Variants in PKHD1L1 observed in about 807,000 individuals in gnomAD.
PKHD1L1 encodes PKHD1 like 1, also known as fibrocystin-L.
Under a neutral mutation model 462.9 loss-of-function variants are expected in PKHD1L1, and 434 were observed. That is an observed-to-expected ratio of 0.94 (90% CI 0.87 to 1.02). The LOEUF (loss-of-function observed/expected upper bound fraction) is 1.02, where lower values mean the gene tolerates loss of function less well. Among genes scored for constraint, PKHD1L1 ranks in the 50% least tolerant of loss-of-function variants. PKHD1L1 has a pLI of 0.00. For synonymous variants in PKHD1L1, 1,781 were observed against 1,750.0 expected (o/e 1.02, Z -0.44); for missense variants, 5,202 against 5,096.1 (o/e 1.02, Z -0.63).
chr8:109,373,491 T>C (rs1438533508), intron 2 of PKHD1L1, among the ~76,000 whole-genome samples: 5 of 151,234 alleles, frequency 3.3e-5, no homozygotes, highest in Non-Finnish European at 7.4e-5. Context: ...GGGTTTTTTG[T>C]GTCTCTATTT....
chr8:109,514,519 G>C (rs975897664), intron 71 of PKHD1L1, among the ~76,000 whole-genome samples: 1 of 152,070 alleles, frequency 6.6e-6, no homozygotes, highest in Admixed American at 6.6e-5. Flanking sequence ...AATGAGAATG[G>C]TGACTACAAA....
chr8:109,431,076 T>A (rs1430084313), intron 27 of PKHD1L1, among the ~76,000 whole-genome samples: 2 of 151,738 alleles, frequency 1.3e-5, no homozygotes, highest in African/African-American at 4.8e-5. Flanking sequence ...CAAGCGATTC[T>A]CCCACCTCAG....
At chr8:109,454,143 A>G (rs768056632) in intron 43 of PKHD1L1, 24 bp from the exon 44 acceptor site, 7 of 1,523,042 alleles carry the variant, frequency 4.6e-6, no homozygotes, top group African/African-American at 1.4e-5. Context: ...CTTGTGATGT[A>G]TTTCAAAATT....
At chr8:109,444,131 A>T (rs1056209887) in intron 37 of PKHD1L1, among the ~76,000 whole-genome samples, 2 of 151,672 alleles carry the variant, frequency 1.3e-5, no homozygotes, top group African/African-American at 4.8e-5. Context: ...CCCCAAAAAA[A>T]ACCCTAAAGC....
At chr8:109,386,344 A>G (rs906663816) in intron 6 of PKHD1L1, among the ~76,000 whole-genome samples, 2 of 152,170 alleles carry the variant, frequency 1.3e-5, no homozygotes, top group African/African-American at 4.8e-5. Context: ...GTGTAGACTC[A>G]TGATTATGGC....
chr8:109,528,994 A>G (rs1004908328), intron 77 of PKHD1L1, among the ~76,000 whole-genome samples: 1 of 152,210 alleles, frequency 6.6e-6, no homozygotes, highest in African/African-American at 2.4e-5. Context: ...AAAATCACAT[A>G]AGAGATACTG....
At chr8:109,437,395 A>G (rs1272610651) in intron 30 of PKHD1L1, among the ~76,000 whole-genome samples, 5 of 152,044 alleles carry the variant, frequency 3.3e-5, no homozygotes, top group Admixed American at 6.5e-5. Flanking sequence ...CACAACGTGC[A>G]GGTTAGTTAC....
Position 109,434,018 on chromosome 8 carries a change from A to G in PKHD1L1, c.3340+802A>G, listed in dbSNP as rs557230593. 4.0e-4 allele frequency among the ~76,000 whole-genome samples: 61 copies of G among 152,270 alleles called. No homozygotes were observed. The South Asian group carries it at 0.012, about 31-fold the overall frequency. Reference sequence around the variant, plus strand: ...TCAGTAAACTAACACAAGAACGGAAAACCAAACACCAGATGTTCTCACTCA... The same window carrying G: ...TCAGTAAACTAACACAAGAACGGAAGACCAAACACCAGATGTTCTCACTCA... On this transcript the variant is annotated intron_variant, in intron 28 of 77. Transcript: ENST00000378402.
In PKHD1L1 at chr8:109,412,285, GA is replaced by G. The variant is rs1217027713; in HGVS notation, c.2108del (p.Lys703ArgfsTer14). The G allele has an allele frequency of 7.4e-6, 12 of 1,613,664 alleles. No individual in the cohort carries two copies. The highest frequency in any genetic ancestry group is 9.3e-6 in the Non-Finnish European group (11 of 1,179,724). ...GGTAGGAACATATTAACAGAGGGCA[GA>G]AGACAGCTGAAACCGATGCTTACTG... is the stretch of plus-strand genomic sequence containing the variant. ...FNLEHINRGQ[K>X]TAETDAYCGR... On this transcript the variant is annotated frameshift_variant, in exon 20 of 78. Transcript: ENST00000378402. LOFTEE classifies it high-confidence loss of function.
intron 28 of PKHD1L1, 95 bp downstream of exon 28, chr8:109,433,311 T>A (rs992668587): frequency 1.9e-6 from 2 of 1,060,866 alleles, no homozygotes; most frequent in Non-Finnish European, 2.8e-6. Context: ...TCGTGTACAA[T>A]TATCATGATC....
chr8:109,378,756 T>C (rs1468700851), intron 2 of PKHD1L1, among the ~76,000 whole-genome samples: 1 of 152,198 alleles, frequency 6.6e-6, no homozygotes, highest in Admixed American at 6.5e-5. Context: ...GTAGTAAGAA[T>C]GTACATGGGC....
chr8:109,527,134 A>C, intron 77 of PKHD1L1, 114 bp downstream of exon 77: 1 of 891,830 alleles, frequency 1.1e-6, no homozygotes, highest in African/African-American at 1.7e-5. Context: ...CACAAAGAGA[A>C]AGTAACAGCC....
At chr8:109,441,440 TTTTA>T (rs1187705831) in intron 34 of PKHD1L1, 61 bp downstream of exon 34, 6 of 936,518 alleles carry the variant, frequency 6.4e-6, no homozygotes, top group East Asian at 2.8e-5. Context: ...TTAATTTGAT[TTTTA>T]TTTATTTTAT....
intron 23 of PKHD1L1, 60 bp downstream of exon 23, chr8:109,420,750 A>G (rs1814421573): frequency 1.6e-6 from 2 of 1,255,438 alleles, no homozygotes; most frequent in African/African-American, 3.1e-5. Context: ...ATTTTTTTAA[A>G]TAACCAACAT....
At chr8:109,498,999 C>T in intron 67 of PKHD1L1, 1 of 491,060 alleles carries the variant, frequency 2.0e-6, no homozygotes. Flanking sequence ...CCTTCTAAAA[C>T]AACAACAAAA....
intron 2 of PKHD1L1, among the ~76,000 whole-genome samples, chr8:109,368,161 T>G (rs1811323166): frequency 6.6e-6 from 1 of 152,238 alleles, no homozygotes; most frequent in Non-Finnish European, 1.5e-5. Context: ...ATCATGTTGG[T>G]TTTTATTTTA....
chr8:109,494,281 C>T (rs911898094), intron 63 of PKHD1L1, among the ~76,000 whole-genome samples: 10 of 151,640 alleles, frequency 6.6e-5, no homozygotes, highest in African/African-American at 2.4e-4. Flanking sequence ...AACATTTACA[C>T]CTTGCTGGTT....
At chr8:109,433,513 C>T (rs935624481) in intron 28 of PKHD1L1, among the ~76,000 whole-genome samples, 1 of 152,062 alleles carries the variant, frequency 6.6e-6, no homozygotes, top group African/African-American at 2.4e-5. Context: ...ATCGGTGTGT[C>T]TCTGGGACAC....
chr8:109,370,443 T>C lies in PKHD1L1; in HGVS notation c.163+5807T>C, dbSNP rs572169809. Among the ~76,000 whole-genome samples the C allele has an allele frequency of 6.2e-4, 95 of 152,096 alleles. 1 individual carries two copies. The highest frequency in any genetic ancestry group is 3.4e-3 in the Middle Eastern group (1 of 294). The stretch of plus-strand genomic sequence containing the variant: ...TGTTATTTTTAAAAAGGGATATTAA[T>C]GATGAACCTAAATCTCAGGATTTTT... On this transcript the variant is annotated intron_variant, in intron 2 of 77. Coordinates refer to ENST00000378402, the MANE Select transcript of PKHD1L1 (RefSeq NM_177531.6).
Sources: gnomAD v4.1 joint callset for allele counts (sites outside exome capture counted in the v4.1 genomes callset) on GRCh38, gnomAD v4.1.1 for gene constraint, MANE v1.5 for transcripts, NCBI Gene and HGNC (gene_info 2026-07-23, HGNC 2026-07-21) for gene names.